Variants in PSD2 observed in about 807,000 individuals in gnomAD.
PSD2 encodes pleckstrin and Sec7 domain containing 2.
In PSD2, 38 loss-of-function variants were observed where a neutral mutation model predicts 69.8. That is an observed-to-expected ratio of 0.54 (90% CI 0.42 to 0.71). The LOEUF (loss-of-function observed/expected upper bound fraction) is 0.71. PSD2 is among the 30% of genes least tolerant of loss of function. The probability of loss-of-function intolerance (pLI) is 0.00; values close to 1 mark genes in which losing one functional copy is unlikely to be tolerated. For missense variants in PSD2, 943 were observed against 1,014.5 expected (o/e 0.93, Z 0.96); for synonymous variants, 412 against 423.0 (o/e 0.97, Z 0.32).
At chr5:139,763,678 C>T in the PSD2 span, among the ~76,000 whole-genome samples, 4 of 152,258 alleles carry the variant, frequency 2.6e-5, no homozygotes, top group Non-Finnish European at 5.9e-5. Context: ...GTCCCCTCGG[C>T]CTGGCACAGC....
the PSD2 span, among the ~76,000 whole-genome samples, chr5:139,757,234 TGGGTGGGCA>T: frequency 6.6e-6 from 1 of 152,152 alleles, no homozygotes; most frequent in African/African-American, 2.4e-5. Context: ...CAGAGTGGGC[TGGGTGGGCA>T]GTGGGATGAG....
At chr5:139,832,673 T>C (rs1179874962) in intron 7 of PSD2, among the ~76,000 whole-genome samples, 3 of 152,146 alleles carry the variant, frequency 2.0e-5, no homozygotes, top group Non-Finnish European at 4.4e-5. Flanking sequence ...AATACCAGAG[T>C]TCTGTAGGTA....
rs1760947910 is a variant in PSD2, at chr5:139,844,368, T to A, written c.*1894T>A. 6.6e-6 allele frequency: 1 copy of A among 152,240 alleles called. No homozygotes were observed. The highest frequency in any genetic ancestry group is 6.5e-5 in the Admixed American group (1 of 15,286). The allele number at this position is 152,240 out of a possible 1,614,324, so 9.4% of individuals were successfully genotyped here. On this transcript the variant is annotated 3_prime_UTR_variant, in exon 15 of 15. Coordinates refer to ENST00000274710, the MANE Select transcript of PSD2 (RefSeq NM_032289.4). Reference sequence around the variant, plus strand: ...ATTATTTATTTGTAAATTATATACATGTACTACTGTACTAAAATATTATGT... The same window carrying A: ...ATTATTTATTTGTAAATTATATACAAGTACTACTGTACTAAAATATTATGT...
intron 2 of PSD2, 85 bp downstream of exon 2, chr5:139,809,896 G>A (rs1759917379): frequency 9.0e-6 from 13 of 1,445,428 alleles, no homozygotes; most frequent in Middle Eastern, 4.2e-4. Context: ...TAGTTTCTCC[G>A]GTTCTTGTTT....
chr5:139,792,275 C>T (rs1275845743), upstream of PSD2, among the ~76,000 whole-genome samples: 1 of 152,166 alleles, frequency 6.6e-6, no homozygotes, highest in Non-Finnish European at 1.5e-5. Flanking sequence ...CCCACCTGGG[C>T]CTCAGGCTTC....
chr5:139,799,838 G>A (rs972514730), intron 1 of PSD2, among the ~76,000 whole-genome samples: 1 of 152,142 alleles, frequency 6.6e-6, no homozygotes, highest in African/African-American at 2.4e-5. Context: ...AGGCCCTTGT[G>A]TCTGACTAGA....
chr5:139,769,341 C>G, the PSD2 span, among the ~76,000 whole-genome samples: 1 of 152,050 alleles, frequency 6.6e-6, no homozygotes, highest in Non-Finnish European at 1.5e-5. Flanking sequence ...ATTTTCCTGA[C>G]AGCAAAAATC....
chr5:139,747,519 T>C, the PSD2 span, among the ~76,000 whole-genome samples: 4 of 151,998 alleles, frequency 2.6e-5, no homozygotes, highest in East Asian at 7.7e-4. This position sits in a 1 kb window ranked among gnomAD's most constrained non-coding sequence, Gnocchi z 6.7. Context: ...CCGGAAGGAA[T>C]GTGGTGGAGG....
chr5:139,768,104 G>A, the PSD2 span, among the ~76,000 whole-genome samples: 2 of 152,402 alleles, frequency 1.3e-5, no homozygotes, highest in African/African-American at 4.8e-5. Flanking sequence ...GAGGTAGCAC[G>A]TGTCCCAGCC....
At chr5:139,830,521 T>TCTTCCTTC (rs534774072) in intron 7 of PSD2, among the ~76,000 whole-genome samples, 18,612 of 96,834 alleles carry the variant, frequency 0.19, 2,294 homozygotes, top group Middle Eastern at 0.25. Flanking sequence ...CAGCTAATTT[T>TCTTCCTTC]CTTCCTTCCT....
the PSD2 span, among the ~76,000 whole-genome samples, chr5:139,746,775 T>C: frequency 2.0e-5 from 3 of 152,120 alleles, no homozygotes; most frequent in African/African-American, 4.8e-5. The surrounding 1 kb of genome is among the most constrained non-coding windows in gnomAD (Gnocchi z 4.5). Flanking sequence ...GCCATTCCCT[T>C]CATCTAGCGC....
intron 1 of PSD2, among the ~76,000 whole-genome samples, chr5:139,809,170 T>G (rs894775982): frequency 4.0e-4 from 61 of 152,132 alleles, no homozygotes; most frequent in Middle Eastern, 3.4e-3. Flanking sequence ...TGGGGCATAG[T>G]GGGCTGGCCA....
rs757714705 is a variant in PSD2, at chr5:139,838,630, G to T, written c.1826G>T (p.Ser609Ile). 1 of 1,612,246 alleles carries T rather than the reference G, an allele frequency of 6.2e-7. No individual in the cohort carries two copies. Among genetic ancestry groups the T allele is most frequent in the Non-Finnish European group, 8.5e-7 (1 of 1,178,554 alleles). Residue 609 changes from serine (S) to isoleucine (I), a missense_variant and splice_region_variant, in exon 13 of 15, where the codon AGC (serine) becomes ATC (isoleucine). This residue lies in a region of PSD2 where 312 missense variants were observed against 400.7 expected (regional missense o/e 0.78). Transcript: ENST00000274710. ...CCCTCTCCCCCTCCTGTCCCCAGGA[G>T]CAAGGAAGAAATGCTGTCCTGGATC... ...DWRVFLFQAP[S>I]KEEMLSWILR...
intron 1 of PSD2, among the ~76,000 whole-genome samples, chr5:139,797,266 C>T (rs1759555339): frequency 6.6e-6 from 1 of 152,248 alleles, no homozygotes; most frequent in Non-Finnish European, 1.5e-5. Flanking sequence ...AGTGGGGCTA[C>T]TGCAAAGTTT....
At chr5:139,777,072 C>T in the PSD2 span, among the ~76,000 whole-genome samples, 2 of 152,126 alleles carry the variant, frequency 1.3e-5, no homozygotes, top group African/African-American at 2.4e-5. Flanking sequence ...GCACACAGGC[C>T]CCAGATGGCT....
chr5:139,747,909 C>T, the PSD2 span, among the ~76,000 whole-genome samples: 1 of 152,236 alleles, frequency 6.6e-6, no homozygotes, highest in African/African-American at 2.4e-5. This position sits in a 1 kb window ranked among gnomAD's most constrained non-coding sequence, Gnocchi z 6.7. Flanking sequence ...GCGAGCGAGC[C>T]GACCCTGAAT....
chr5:139,830,247 G>C (rs1188774994), intron 7 of PSD2, among the ~76,000 whole-genome samples: 1 of 149,428 alleles, frequency 6.7e-6, no homozygotes, highest in Non-Finnish European at 1.5e-5. Flanking sequence ...TATTCTTAGA[G>C]TTCTTTATAT....
chr5:139,788,264 C>A, the PSD2 span, among the ~76,000 whole-genome samples: 3 of 151,934 alleles, frequency 2.0e-5, no homozygotes, highest in Non-Finnish European at 2.9e-5. Context: ...TTGGCCGCTC[C>A]TCCCTGGGCA....
At chr5:139,752,792 G>A in the PSD2 span, among the ~76,000 whole-genome samples, 1 of 152,144 alleles carries the variant, frequency 6.6e-6, no homozygotes. Flanking sequence ...CTGGCTGCCC[G>A]CCAAGCGCGG....
Sources: gnomAD v4.1 joint callset for allele counts (sites outside exome capture counted in the v4.1 genomes callset) on GRCh38, gnomAD v4.1.1 for gene constraint, gnomAD v4.1.1 regional missense constraint, Gnocchi (gnomAD v3.1) non-coding constraint, MANE v1.5 for transcripts, NCBI Gene and HGNC (gene_info 2026-07-23, HGNC 2026-07-21) for gene names.